LTBP2: variants seen among roughly 807,000 people sequenced by gnomAD.
LTBP2 encodes the protein latent transforming growth factor beta binding protein 2, also known as latent-transforming growth factor beta-binding protein 2.
LTBP2 carries 103 observed loss-of-function variants against 210.6 expected under a neutral mutation model. The observed-to-expected ratio is 0.49, with a 90% confidence interval of 0.42 to 0.58. The LOEUF is 0.58. Among genes scored for constraint, LTBP2 ranks in the 20% least tolerant of loss-of-function variants. The pLI is 0.00. For missense variants in LTBP2, 2,313 were observed against 2,494.5 expected, an observed-to-expected ratio of 0.93 and a Z score of 1.55; for synonymous variants, 1,007 against 1,015.0, an observed-to-expected ratio of 0.99 and a Z score of 0.15.
chr14:74,507,983 T>G lies in LTBP2; in HGVS notation c.3765A>C (p.Gly1255=). 1 of 1,613,416 alleles carries G rather than the reference T, an allele frequency of 6.2e-7. No homozygotes were observed. The highest frequency in any genetic ancestry group is 8.5e-7 in the Non-Finnish European group (1 of 1,179,982). Residue 1255 remains glycine (G), a synonymous_variant, in exon 25 of 36, where the codon GGA becomes GGC. Transcript: ENST00000261978. The stretch of plus-strand genomic sequence containing the variant: ...CCCCAGAGCCCTTACCCACACACTC[T>G]CCACTCTCTGGGGAGGGCTGGAAGC... The part of the protein sequence containing the change: ...ETGFQPSPES[G]ECVDIDECED...
intron 1 of LTBP2, among the ~76,000 whole-genome samples, chr14:74,605,640 C>T (rs1228372155): frequency 6.6e-6 from 1 of 152,170 alleles, no homozygotes; most frequent in Non-Finnish European, 1.5e-5. Flanking sequence ...AGAATTAGGG[C>T]CTGTGGGAAC....
At chr14:74,516,667 G>A (rs2087138688) in intron 18 of LTBP2, among the ~76,000 whole-genome samples, 155 bp downstream of exon 18, 1 of 152,128 alleles carries the variant, frequency 6.6e-6, no homozygotes, top group African/African-American at 2.4e-5. Context: ...AAGGGCTCAG[G>A]AATTCTCATA....
rs971057427 is a variant in LTBP2 at position 74,500,517 on chromosome 14, G to A, written c.*367C>T. The A allele has an allele frequency of 2.3e-6, 1 of 440,384 alleles. No homozygotes were observed. The highest frequency in any genetic ancestry group is 2.0e-5 in the African/African-American group (1 of 51,202). The allele number at this position is 440,384 out of a possible 1,614,324, so 27.3% of individuals were successfully genotyped here. ...GGGATCGTCAGGATGATGGTGGATT[G>A]TGGCTGGAAAGGGGTGTCTGCAGTG... On this transcript the variant is annotated 3_prime_UTR_variant, in exon 36 of 36. Transcript: ENST00000261978.
chr14:74,499,855 C>T lies in LTBP2; in HGVS notation c.*1029G>A, dbSNP rs2086890935. 8.7e-6 allele frequency: 2 copies of T among 230,704 alleles called. No homozygotes were observed. Among genetic ancestry groups the T allele is most frequent in the Non-Finnish European group, 1.7e-5 (2 of 116,488 alleles). 14.3% of individuals were successfully genotyped at this position (230,704 alleles called of 1,614,324 possible). A position where few individuals can be genotyped will look rare whatever the true frequency, so the allele number is the denominator to read the frequency against. On this transcript the variant is annotated 3_prime_UTR_variant, in exon 36 of 36. Transcript: ENST00000261978. The stretch of plus-strand genomic sequence containing the variant: ...GTAAACTCAGAGGAATGCCTGCCAT[C>T]GTTTTCTGAAGGGAAAGGGCAGGGG...
intron 4 of LTBP2, 146 bp from the exon 5 acceptor site, chr14:74,553,208 G>A (rs1856621816): frequency 3.9e-5 from 30 of 777,916 alleles, no homozygotes; most frequent in South Asian, 3.0e-4. Flanking sequence ...GGGTCCCATC[G>A]TAGGGGCAAG....
intron 1 of LTBP2, among the ~76,000 whole-genome samples, chr14:74,609,006 T>C (rs894917981): frequency 1.3e-5 from 2 of 152,190 alleles, no homozygotes; most frequent in African/African-American, 4.8e-5. Flanking sequence ...CCAAAATATT[T>C]GTCGAATGAA....
chr14:74,611,336 A>AATTTT, intron 1 of LTBP2, 115 bp downstream of exon 1: 1 of 1,238,276 alleles, frequency 8.1e-7, no homozygotes, highest in Non-Finnish European at 1.1e-6. Context: ...CGAAGTACTA[A>AATTTT]AGACAGAGGG....
chr14:74,551,788 CT>C (rs966720329), intron 6 of LTBP2, among the ~76,000 whole-genome samples: 5 of 152,244 alleles, frequency 3.3e-5, no homozygotes, highest in Admixed American at 6.5e-5. Context: ...TCTCCATCCC[CT>C]GATCCCCTAA....
At chr14:74,599,539 A>G (rs530766539) in intron 2 of LTBP2, among the ~76,000 whole-genome samples, 1 of 152,368 alleles carries the variant, frequency 6.6e-6, no homozygotes. Flanking sequence ...AGGGCCCGGC[A>G]GGCCGCAATC....
At chr14:74,563,096 A>G (rs1232509829) in intron 3 of LTBP2, among the ~76,000 whole-genome samples, 3 of 152,188 alleles carry the variant, frequency 2.0e-5, no homozygotes, top group African/African-American at 7.2e-5. Flanking sequence ...ACAGCCAATG[A>G]CTGCCTGAAA....
intron 4 of LTBP2, among the ~76,000 whole-genome samples, chr14:74,555,122 A>G (rs1271117395): frequency 6.6e-6 from 1 of 152,018 alleles, no homozygotes; most frequent in African/African-American, 2.4e-5. Context: ...GCGCAGCTGT[A>G]GGTGCTGAGG....
chr14:74,579,511 C>G (rs1047359903), intron 3 of LTBP2, among the ~76,000 whole-genome samples: 1 of 152,236 alleles, frequency 6.6e-6, no homozygotes, highest in Non-Finnish European at 1.5e-5. Context: ...CCAAAAAGTG[C>G]CAACAGGGCT....
Position 74,510,210 on chromosome 14 carries a change from A to C in LTBP2, c.3032T>G (p.Val1011Gly). Residue 1011 changes from valine (V) to glycine (G), a missense_variant, in exon 20 of 36, where the codon GTG (valine) becomes GGG (glycine). Physicochemically the swap from Val to Gly is moderately radical, Grantham distance 109 (BLOSUM62 -3). Coordinates refer to ENST00000261978, the MANE Select transcript of LTBP2 (RefSeq NM_000428.3). Reference sequence around the variant, plus strand: ...GACCCCGGGAGTCAGACACTCATTCACATCTGTGGGAGAGAAGTCCAAGAC... The same window carrying C: ...GACCCCGGGAGTCAGACACTCATTCCCATCTGTGGGAGAGAAGTCCAAGAC... ...YRGQSGSCVD[V>G]NECLTPGVCA... 6.2e-7 allele frequency: 1 copy of C among 1,613,636 alleles called. No homozygotes were observed. Among genetic ancestry groups the C allele is most frequent in the Non-Finnish European group, 8.5e-7 (1 of 1,179,984 alleles).
At chr14:74,502,196 C>T (rs550657226) in intron 34 of LTBP2, among the ~76,000 whole-genome samples, 15 of 152,156 alleles carry the variant, frequency 9.9e-5, no homozygotes, top group Non-Finnish European at 2.1e-4. Flanking sequence ...GACTCCAAGG[C>T]CTGAGTGTTT....
Position 74,502,921 on chromosome 14 carries a change from C to T in LTBP2, c.4902G>A (p.Gln1634=). Residue 1634 remains glutamine (Q), a synonymous_variant, in exon 34 of 36, where the codon CAG becomes CAA. Transcript: ENST00000261978. ...CCTCAATGCGAGCCACGTTGCACAG[C>T]TGAGCATAGACCTCTGTCAGGGAGG... ...CPPRSSEVYA[Q]LCNVARIEAE... is the part of the protein sequence containing the mutation. 1 of 1,612,108 alleles carries T rather than the reference C, an allele frequency of 6.2e-7. No homozygotes were observed. Among genetic ancestry groups the T allele is most frequent in the Non-Finnish European group, 8.5e-7 (1 of 1,179,942 alleles).
chr14:74,521,194 G>T lies in LTBP2; in HGVS notation c.2788+717C>A, dbSNP rs557259863. On this transcript the variant is annotated intron_variant, in intron 17 of 35. Coordinates refer to ENST00000261978, the MANE Select transcript of LTBP2 (RefSeq NM_000428.3). ...CACAGCTTCCCTGGCCTCCCTGGGG[G>T]TCTGGCCAGAACCAGCAATGTGAGC... Among the ~76,000 whole-genome samples, 18 of 152,276 alleles carry T rather than the reference G, an allele frequency of 1.2e-4. No individual in the cohort carries two copies. The South Asian group carries it at 2.9e-3, about 25-fold the overall frequency.
intron 18 of LTBP2, among the ~76,000 whole-genome samples, chr14:74,513,278 C>T (rs1263506978): frequency 6.6e-6 from 1 of 152,206 alleles, no homozygotes; most frequent in Non-Finnish European, 1.5e-5. Context: ...CTGGTGCTTC[C>T]TAGTCTCTTG....
At chr14:74,527,531 C>T (rs538248345) in intron 12 of LTBP2, among the ~76,000 whole-genome samples, 165 bp from the exon 13 acceptor site, 1 of 152,262 alleles carries the variant, frequency 6.6e-6, no homozygotes, top group South Asian at 2.1e-4. Context: ...GCCCCATCAC[C>T]CCTGTAGGGA....
intron 22 of LTBP2, 131 bp downstream of exon 22, chr14:74,509,107 G>T: frequency 1.3e-6 from 2 of 1,573,948 alleles, no homozygotes; most frequent in Non-Finnish European, 1.7e-6. Flanking sequence ...GGACAAGCTT[G>T]TGAGCGACTC....
Sources: gnomAD v4.1 joint callset for allele counts (sites outside exome capture counted in the v4.1 genomes callset) on GRCh38, gnomAD v4.1.1 for gene constraint, MANE v1.5 for transcripts, NCBI Gene and HGNC (gene_info 2026-07-23, HGNC 2026-07-21) for gene names.